The following VIRMA variants were observed in gnomAD, a reference collection of about 807,000 sequenced individuals.
VIRMA encodes the protein vir like m6A methyltransferase associated.
A neutral mutation model predicts 182.4 loss-of-function variants in VIRMA; 65 were observed. The observed-to-expected ratio is 0.36, with a 90% CI of 0.29 to 0.44. The LOEUF (loss-of-function observed/expected upper bound fraction) is 0.44, where lower values mean the gene tolerates loss of function less well. Among genes scored for constraint, VIRMA ranks in the 20% least tolerant of loss-of-function variants. The pLI, the probability that VIRMA is intolerant of heterozygous loss-of-function variation, is 1.00. For missense variants in VIRMA, 1,752 were observed against 2,158.1 expected (o/e 0.81, Z 3.73); for synonymous variants, 709 against 743.1 (o/e 0.95, Z 0.75).
At chr8:94,507,935 A>G (rs939621952) in intron 15 of VIRMA, among the ~76,000 whole-genome samples, 3 of 148,614 alleles carry the variant, frequency 2.0e-5, no homozygotes, top group Non-Finnish European at 4.5e-5. Context: ...GTATGTACAT[A>G]TGTGTATATG....
intron 15 of VIRMA, among the ~76,000 whole-genome samples, chr8:94,507,875 A>ATATATACATGTATATATG (rs1814214465): frequency 1.7e-5 from 2 of 120,952 alleles, no homozygotes; most frequent in Non-Finnish European, 3.5e-5. Flanking sequence ...TCTACTTTAT[A>ATATATACATGTATATATG]TATATACATG....
chr8:94,491,504 T>C (rs1280532814), intron 22 of VIRMA, 74 bp downstream of exon 22: 5 of 1,349,906 alleles, frequency 3.7e-6, no homozygotes, highest in East Asian at 2.3e-5. Flanking sequence ...ATCTCTTCCA[T>C]CTAAATCACT....
Position 94,488,875 on chromosome 8 carries a change from A to G in VIRMA, c.5285-15T>C, listed in dbSNP as rs1459892703. On this transcript the variant is annotated splice_polypyrimidine_tract_variant and intron_variant, in intron 23 of 23. Coordinates refer to ENST00000297591, the MANE Select transcript of VIRMA (RefSeq NM_015496.5). ...TGGGCGGTAACCTGTAAAAGAAAGA[A>G]TACAGTTTTTAGTTCCAATGTCCTT... The G allele has an allele frequency of 5.0e-6, 8 of 1,607,406 alleles. No individual in the cohort carries two copies. Among genetic ancestry groups the G allele is most frequent in the South Asian group, 4.4e-5 (4 of 90,460 alleles).
intron 2 of VIRMA, among the ~76,000 whole-genome samples, chr8:94,541,022 T>C (rs1170935026): frequency 6.6e-6 from 1 of 151,832 alleles, no homozygotes; most frequent in African/African-American, 2.4e-5. Context: ...AGCACACATA[T>C]ATATGTATGA....
chr8:94,509,959 A>G lies in VIRMA; in HGVS notation c.3627-19T>C, dbSNP rs765600922. ...TGAAGTGCTGAAATAAAATCGATAC[A>G]TTTAGTAAACAAAGTTCTTGACCTT... On this transcript the variant is annotated intron_variant, in intron 14 of 23. Coordinates refer to ENST00000297591, the MANE Select transcript of VIRMA (RefSeq NM_015496.5). 8.2e-6 allele frequency: 13 copies of G among 1,584,690 alleles called. No individual in the cohort carries two copies. In the South Asian group the frequency reaches 1.2e-4, roughly 14 times the overall value.
At chr8:94,490,195 C>T in intron 22 of VIRMA, 113 bp from the exon 23 acceptor site, 1 of 1,205,446 alleles carries the variant, frequency 8.3e-7, no homozygotes, top group Non-Finnish European at 1.2e-6. Context: ...TGAAATTCTG[C>T]AAACTGACTG....
At chr8:94,540,046 T>G (rs528487100) in intron 2 of VIRMA, among the ~76,000 whole-genome samples, 1 of 152,252 alleles carries the variant, frequency 6.6e-6, no homozygotes, top group Non-Finnish European at 1.5e-5. Context: ...TGTGGTATTC[T>G]GTTAAAGTAA....
intron 16 of VIRMA, among the ~76,000 whole-genome samples, chr8:94,500,876 T>C (rs550589193): frequency 3.4e-4 from 51 of 152,178 alleles, no homozygotes; most frequent in African/African-American, 1.2e-3. Flanking sequence ...AAGAACTACA[T>C]GACTCTAAGC....
At chr8:94,532,651 A>C (rs1815209197) in intron 5 of VIRMA, among the ~76,000 whole-genome samples, 1 of 152,184 alleles carries the variant, frequency 6.6e-6, no homozygotes, top group African/African-American at 2.4e-5. Context: ...ACCTCCTGTC[A>C]ATCTATAATT....
At chr8:94,529,363 G>T in intron 6 of VIRMA, 21 bp from the exon 7 acceptor site, 1 of 1,407,476 alleles carries the variant, frequency 7.1e-7, no homozygotes. Flanking sequence ...GAGATTTAAG[G>T]CACAGACTAT....
rs1382186809 is a variant in VIRMA at position 94,498,020 on chromosome 8, A to C, written c.4230+1354T>G. 5.9e-5 allele frequency: 9 copies of C among 152,222 alleles called. No homozygotes were observed. The East Asian group carries it at 1.7e-3, about 30-fold the overall frequency. 9.4% of individuals were successfully genotyped at this position (152,222 alleles called of 1,614,324 possible). A position where few individuals can be genotyped will look rare whatever the true frequency, so the allele number is the denominator to read the frequency against. ...GAGTGAGACCTCGTCTCAGGAAAAA[A>C]ACAGGGAGAGAAAGAGAGTCTCACT... is the stretch of plus-strand genomic sequence containing the variant. On this transcript the variant is annotated intron_variant, in intron 17 of 23. Coordinates refer to ENST00000297591, the MANE Select transcript of VIRMA (RefSeq NM_015496.5).
intron 8 of VIRMA, among the ~76,000 whole-genome samples, chr8:94,521,380 T>G (rs1274682553): frequency 6.6e-5 from 10 of 152,186 alleles, no homozygotes; most frequent in Admixed American, 6.5e-4. Flanking sequence ...GCAAAGGACA[T>G]GATCTCATTC....
At chr8:94,545,725 T>C (rs368995938) in intron 1 of VIRMA, among the ~76,000 whole-genome samples, 2 of 152,176 alleles carry the variant, frequency 1.3e-5, no homozygotes, top group Admixed American at 1.3e-4. Flanking sequence ...GGAGAAGGCA[T>C]GCACAAAAGG....
intron 5 of VIRMA, chr8:94,534,081 G>A (rs76811678): frequency 3.9e-5 from 6 of 152,174 alleles, no homozygotes; most frequent in African/African-American, 1.4e-4. Context: ...GAGATTCTGA[G>A]AAACATGAGT....
At chr8:94,547,208 T>C (rs1563484053) in intron 1 of VIRMA, 1 of 239,858 alleles carries the variant, frequency 4.2e-6, no homozygotes, top group Non-Finnish European at 8.4e-6. Context: ...AGCATATTCA[T>C]TTAATAAATG....
Position 94,519,565 on chromosome 8 carries a change from T to A in VIRMA, c.2022-89A>T, listed in dbSNP as rs189560229. On this transcript the variant is annotated intron_variant, in intron 8 of 23. Transcript: ENST00000297591. ...CAGACAAGACACTGATAAAAATTTT[T>A]AATGACCATAATCCTTATCCTCAGT... is the stretch of plus-strand genomic sequence containing the variant. 6.2e-5 allele frequency: 82 copies of A among 1,321,540 alleles called. No individual in the cohort carries two copies. The East Asian group carries it at 1.9e-3, about 31-fold the overall frequency. The allele number at this position is 1,321,540 out of a possible 1,614,324, so 81.9% of individuals were successfully genotyped here. A position where few individuals can be genotyped will look rare whatever the true frequency, so the allele number is the denominator to read the frequency against.
intron 10 of VIRMA, among the ~76,000 whole-genome samples, chr8:94,515,984 T>G (rs1395576559): frequency 2.6e-5 from 4 of 151,806 alleles, no homozygotes; most frequent in African/African-American, 9.7e-5. Context: ...AGCACGCACC[T>G]GTAGTCCCAG....
At chr8:94,506,042 A>C (rs917240872) in intron 16 of VIRMA, among the ~76,000 whole-genome samples, 18 of 152,252 alleles carry the variant, frequency 1.2e-4, no homozygotes, top group African/African-American at 4.3e-4. Context: ...AGTATACAAG[A>C]GAAATACTGT....
chr8:94,517,521 T>A (rs959105219), intron 10 of VIRMA, among the ~76,000 whole-genome samples: 3 of 152,210 alleles, frequency 2.0e-5, no homozygotes, highest in Non-Finnish European at 4.4e-5. Flanking sequence ...GTCTTTAAAC[T>A]CTTCCATTTT....
Sources: gnomAD v4.1 joint callset for allele counts (sites outside exome capture counted in the v4.1 genomes callset) on GRCh38, gnomAD v4.1.1 for gene constraint, MANE v1.5 for transcripts, NCBI Gene and HGNC (gene_info 2026-07-23, HGNC 2026-07-21) for gene names.